Variants in PDZD2 observed in about 807,000 individuals in gnomAD.
PDZD2 encodes the protein PDZ domain containing 2.
In PDZD2, 90 loss-of-function variants were observed where a neutral mutation model predicts 220.7. The observed-to-expected ratio is 0.41, with a 90% CI of 0.34 to 0.49. The LOEUF (loss-of-function observed/expected upper bound fraction) is 0.49. Ranked by LOEUF, PDZD2 falls within the 20% of genes least tolerant of loss-of-function variation. PDZD2 has a pLI of 0.28. For missense variants in PDZD2, 3,174 were observed against 3,608.5 expected (o/e 0.88, Z 3.08); for synonymous variants, 1,375 against 1,450.5 (o/e 0.95, Z 1.18).
At chr5:31,726,904 C>T (rs719231) in intron 1 of PDZD2, among the ~76,000 whole-genome samples, 43,594 of 152,062 alleles carry the variant, frequency 0.29, 6,286 homozygotes, top group East Asian at 0.31. Context: ...GCAGGCTTTA[C>T]AGGAAGCATG....
chr5:32,092,881 T>C, intron 20 of PDZD2, 26 bp from the exon 21 acceptor site: 1 of 1,167,064 alleles, frequency 8.6e-7, no homozygotes, highest in South Asian at 1.4e-5. Flanking sequence ...TCTTTAATGT[T>C]CTTCAAATAT....
intron 2 of PDZD2, among the ~76,000 whole-genome samples, chr5:31,919,415 T>C (rs951782797): frequency 1.6e-4 from 24 of 151,924 alleles, no homozygotes; most frequent in African/African-American, 5.3e-4. Context: ...GGTACGATCT[T>C]GGCTCACTGC....
chr5:31,749,087 G>A (rs78063603), intron 1 of PDZD2, among the ~76,000 whole-genome samples: 1 of 74,802 alleles, frequency 1.3e-5, no homozygotes, highest in African/African-American at 6.2e-5. Context: ...TCTATTTCAT[G>A]GGGGGGGGCC....
At chr5:31,998,893 C>T (rs934062614) in intron 4 of PDZD2, among the ~76,000 whole-genome samples, 2 of 152,260 alleles carry the variant, frequency 1.3e-5, no homozygotes, top group South Asian at 4.1e-4. Flanking sequence ...CCCTCTGCCT[C>T]ACCAGCTTTC....
chr5:31,755,168 C>T (rs1002490063), intron 1 of PDZD2, among the ~76,000 whole-genome samples: 1 of 151,978 alleles, frequency 6.6e-6, no homozygotes, highest in Non-Finnish European at 1.5e-5. Context: ...CGCAGATGCT[C>T]AGAACTCGTG....
At chr5:31,779,685 T>A (rs1752947527) in intron 1 of PDZD2, among the ~76,000 whole-genome samples, 1 of 152,126 alleles carries the variant, frequency 6.6e-6, no homozygotes, top group Non-Finnish European at 1.5e-5. Flanking sequence ...AAATTGGGAA[T>A]CTCTTGAAGC....
Position 32,057,963 on chromosome 5 carries a change from T to C in PDZD2, c.2060T>C (p.Met687Thr), listed in dbSNP as rs1739248755. 1 of 1,613,776 alleles carries C rather than the reference T, an allele frequency of 6.2e-7. No individual in the cohort carries two copies. Reference sequence around the variant, plus strand: ...ACACCCTGCTCGACACCCACACACATGAGCAGATCCGCCTCCCCGAACTTC... The same window carrying C: ...ACACCCTGCTCGACACCCACACACACGAGCAGATCCGCCTCCCCGAACTTC... ...SLTPCSTPTHMSRSASPNFNT... is the reference protein window; with the variant it reads ...SLTPCSTPTHTSRSASPNFNT... Residue 687 changes from methionine to threonine, a missense_variant, in exon 12 of 25, where the codon ATG becomes ACG. Transcript: ENST00000438447.
intron 1 of PDZD2, among the ~76,000 whole-genome samples, chr5:31,685,851 G>A (rs572346904): frequency 3.3e-5 from 5 of 151,262 alleles, no homozygotes; most frequent in African/African-American, 7.3e-5. Context: ...CCCAGACATC[G>A]TCATTTATCT....
intron 7 of PDZD2, 33 bp downstream of exon 7, chr5:32,037,375 T>A: frequency 8.2e-7 from 1 of 1,224,988 alleles, no homozygotes; most frequent in Non-Finnish European, 1.2e-6. Flanking sequence ...GCAGCCTGTC[T>A]AGGATGAGTT....
At chr5:31,784,267 C>G (rs1036713257) in intron 1 of PDZD2, among the ~76,000 whole-genome samples, 3 of 152,190 alleles carry the variant, frequency 2.0e-5, no homozygotes, top group East Asian at 3.8e-4. Context: ...CAGAGGTGTC[C>G]TCGGGACCTG....
intron 24 of PDZD2, among the ~76,000 whole-genome samples, chr5:32,101,737 G>GA (rs1350120515): frequency 6.6e-6 from 1 of 151,774 alleles, no homozygotes; most frequent in Non-Finnish European, 1.5e-5. Context: ...GCCTTTGTGG[G>GA]AAAAAAAAGA....
At chr5:31,852,435 G>C (rs1758112930) in intron 2 of PDZD2, among the ~76,000 whole-genome samples, 1 of 151,178 alleles carries the variant, frequency 6.6e-6, no homozygotes, top group Admixed American at 6.6e-5. Context: ...ACAGGCGCGT[G>C]CCATCACGCC....
chr5:31,883,459 A>G (rs1248644542), intron 2 of PDZD2, among the ~76,000 whole-genome samples: 2 of 151,678 alleles, frequency 1.3e-5, no homozygotes, highest in Non-Finnish European at 2.9e-5. Context: ...GACCTCAGGT[A>G]ATCTGCCCAC....
intron 1 of PDZD2, among the ~76,000 whole-genome samples, chr5:31,740,558 A>AAAAAAAAAAC (rs1475550222): frequency 1.4e-5 from 2 of 141,516 alleles, no homozygotes; most frequent in African/African-American, 5.2e-5. Flanking sequence ...AAAAAAAAAA[A>AAAAAAAAAAC]TCTGCTGTTG....
chr5:31,890,534 G>A (rs1212582399), intron 2 of PDZD2, among the ~76,000 whole-genome samples: 2 of 152,152 alleles, frequency 1.3e-5, no homozygotes. Flanking sequence ...GCCGAGCCGG[G>A]CCTAGAGCCA....
At position 32,100,880 on chromosome 5, in the gene PDZD2, T is replaced by G. The variant is rs749311060; in HGVS notation, c.8219-225T>G. On this transcript the variant is annotated intron_variant, in intron 23 of 24. Transcript: ENST00000438447. ...CTTGCAGAAAACACAGAACAAAGGATGCAAGTACAGCAGCAACACAGCCAG... is the reference window on the plus strand; with the variant it reads ...CTTGCAGAAAACACAGAACAAAGGAGGCAAGTACAGCAGCAACACAGCCAG... 3.2e-6 allele frequency: 5 copies of G among 1,576,966 alleles called. No homozygotes were observed. The Admixed American group carries it at 8.4e-5, about 27-fold the overall frequency.
intron 2 of PDZD2, among the ~76,000 whole-genome samples, chr5:31,914,210 C>T (rs1049102590): frequency 6.6e-6 from 1 of 152,218 alleles, no homozygotes; most frequent in African/African-American, 2.4e-5. Flanking sequence ...AAGTTTATTG[C>T]ATTGTCATTC....
chr5:32,034,932 T>C (rs1269256195), intron 6 of PDZD2, among the ~76,000 whole-genome samples: 1 of 152,200 alleles, frequency 6.6e-6, no homozygotes, highest in Non-Finnish European at 1.5e-5. Flanking sequence ...AAGATTCTGT[T>C]CCTGCTTTTT....
intron 6 of PDZD2, among the ~76,000 whole-genome samples, chr5:32,012,387 T>A (rs538430923): frequency 5.3e-5 from 8 of 152,256 alleles, no homozygotes; most frequent in East Asian, 1.9e-4. Flanking sequence ...AAAAATTATT[T>A]TTTTTTGTTT....
Sources: gnomAD v4.1 joint callset for allele counts (sites outside exome capture counted in the v4.1 genomes callset) on GRCh38, gnomAD v4.1.1 for gene constraint, MANE v1.5 for transcripts, NCBI Gene and HGNC (gene_info 2026-07-23, HGNC 2026-07-21) for gene names.